Variants in MEIS1 observed in about 807,000 individuals in gnomAD.
The protein encoded by MEIS1 is homeobox protein Meis1.
A neutral mutation model predicts 50.8 loss-of-function variants in MEIS1; 5 were observed. The observed-to-expected ratio is 0.10, with a 90% confidence interval of 0.05 to 0.21. The LOEUF (loss-of-function observed/expected upper bound fraction) is 0.21. Among genes scored for constraint, MEIS1 ranks in the 10% least tolerant of loss-of-function variants. The probability of loss-of-function intolerance (pLI) is 1.00; values close to 1 mark genes in which losing one functional copy is unlikely to be tolerated. For missense variants in MEIS1, 318 were observed against 517.3 expected, an observed-to-expected ratio of 0.61 and a Z score of 3.74; for synonymous variants, 176 against 179.3, an observed-to-expected ratio of 0.98 and a Z score of 0.15.
At chr2:66,508,999 C>T (rs1290870906) in intron 7 of MEIS1, 2 of 470,966 alleles carry the variant, frequency 4.2e-6, no homozygotes, top group Non-Finnish European at 8.8e-6. Flanking sequence ...TGCCTGCTGC[C>T]GTGTGGTCGG....
At position 66,569,333 on chromosome 2, in the gene MEIS1, A is replaced by G. The variant is rs1675427216; in HGVS notation, c.*37+188A>G. ...TTTAAGCTTATAAATACTGTGTATG[A>G]TGTACATTTATCCTGTGTGTTGCTA... On this transcript the variant is annotated intron_variant, in intron 12 of 12. Coordinates refer to ENST00000272369, the MANE Select transcript of MEIS1 (RefSeq NM_002398.3). 1.2e-5 allele frequency: 6 copies of G among 504,924 alleles called. 1 individual carries two copies. Among genetic ancestry groups the G allele is most frequent in the South Asian group, 4.3e-5 (2 of 46,460 alleles). The allele number at this position is 504,924 out of a possible 1,614,324, so 31.3% of individuals were successfully genotyped here.
chr2:66,465,606 A>G (rs1461524994), intron 7 of MEIS1, among the ~76,000 whole-genome samples: 1 of 152,186 alleles, frequency 6.6e-6, no homozygotes, highest in Non-Finnish European at 1.5e-5. Context: ...TTTTTCCTGT[A>G]GCCCAAAATT....
chr2:66,455,610 A>C (rs1672369815), intron 6 of MEIS1, among the ~76,000 whole-genome samples: 1 of 152,162 alleles, frequency 6.6e-6, no homozygotes, highest in African/African-American at 2.4e-5. Context: ...AGGCTGTTGA[A>C]AACTAGGGTT....
At chr2:66,502,369 A>G (rs1673579515) in intron 7 of MEIS1, among the ~76,000 whole-genome samples, 1 of 152,238 alleles carries the variant, frequency 6.6e-6, no homozygotes, top group Non-Finnish European at 1.5e-5. Context: ...GATTAAAAAA[A>G]CAAATCCCAA....
At chr2:66,486,597 A>T (rs374698636) in intron 7 of MEIS1, among the ~76,000 whole-genome samples, 14 of 152,296 alleles carry the variant, frequency 9.2e-5, no homozygotes, top group African/African-American at 3.4e-4. Flanking sequence ...TTTTGGTTCC[A>T]TATGAAATTT....
In MEIS1 at chr2:66,572,524, T is replaced by G. The variant is rs1270589878; in HGVS notation, c.*1316T>G. The G allele has an allele frequency of 6.6e-6, 1 of 152,138 alleles. No individual in the cohort carries two copies. The highest frequency in any genetic ancestry group is 2.4e-5 in the African/African-American group (1 of 41,416). 9.4% of individuals were successfully genotyped at this position (152,138 alleles called of 1,614,324 possible). ...GTATGAGTTGGCATGCATACAAGAT[T>G]TACTAAGTGGGATAAGCTAATTATA... is the stretch of plus-strand genomic sequence containing the variant. On this transcript the variant is annotated 3_prime_UTR_variant, in exon 13 of 13. Transcript: ENST00000272369.
intron 8 of MEIS1, among the ~76,000 whole-genome samples, chr2:66,535,109 C>G (rs1674486318): frequency 6.6e-6 from 1 of 152,092 alleles, no homozygotes; most frequent in South Asian, 2.1e-4. Flanking sequence ...TTATCATTAA[C>G]AAGATAAACT....
chr2:66,563,952 A>G (rs1312866158), intron 9 of MEIS1, among the ~76,000 whole-genome samples: 1 of 152,080 alleles, frequency 6.6e-6, no homozygotes, highest in African/African-American at 2.4e-5. Flanking sequence ...AAAATAAAAT[A>G]TTTTGCTATT....
intron 9 of MEIS1, among the ~76,000 whole-genome samples, chr2:66,556,341 A>T (rs930821084): frequency 6.6e-6 from 1 of 152,184 alleles, no homozygotes; most frequent in African/African-American, 2.4e-5. Context: ...ACAAGATTAG[A>T]TCCTATGGTT....
rs779401505 is a variant in MEIS1 at position 66,555,613 on chromosome 2, G to A, written c.965+7594G>A. Among the ~76,000 whole-genome samples, 3 of 152,082 alleles carry A rather than the reference G, an allele frequency of 2.0e-5. No homozygotes were observed. In the East Asian group the frequency reaches 5.8e-4, roughly 29 times the overall value. ...TCTTAAGTGTGTTTACATATAGTTTGCCTTTCTGGTATTTTCTGCTTGCAC... is the reference window on the plus strand; with the variant it reads ...TCTTAAGTGTGTTTACATATAGTTTACCTTTCTGGTATTTTCTGCTTGCAC... On this transcript the variant is annotated intron_variant, in intron 9 of 12. Coordinates refer to ENST00000272369, the MANE Select transcript of MEIS1 (RefSeq NM_002398.3).
chr2:66,537,331 G>A (rs765805269), intron 8 of MEIS1, among the ~76,000 whole-genome samples: 7 of 152,206 alleles, frequency 4.6e-5, no homozygotes, highest in Non-Finnish European at 1.0e-4. Context: ...CTGTTTGTAT[G>A]CCGTCTTGAT....
chr2:66,540,078 TTG>T (rs1022934395), intron 8 of MEIS1, among the ~76,000 whole-genome samples: 2 of 152,100 alleles, frequency 1.3e-5, no homozygotes, highest in African/African-American at 4.8e-5. Context: ...CTGTGTGCTG[TTG>T]GTGTGTTTTT....
Position 66,560,657 on chromosome 2 carries a change from T to C in MEIS1, c.966-6796T>C, listed in dbSNP as rs1025281850. On this transcript the variant is annotated intron_variant, in intron 9 of 12. Transcript: ENST00000272369. Reference sequence around the variant, plus strand: ...CCTTCCTCAACTGTGGTAGACAATTTCAGTTCTTTCTAAAGTAATTTGGCA... The same window carrying C: ...CCTTCCTCAACTGTGGTAGACAATTCCAGTTCTTTCTAAAGTAATTTGGCA... Among the ~76,000 whole-genome samples, 6 of 152,140 alleles carry C rather than the reference T, an allele frequency of 3.9e-5. No homozygotes were observed. The East Asian group carries it at 1.2e-3, about 29-fold the overall frequency.
intron 6 of MEIS1, among the ~76,000 whole-genome samples, chr2:66,460,485 C>G (rs557462584): frequency 1.3e-5 from 2 of 152,264 alleles, no homozygotes; most frequent in Non-Finnish European, 2.9e-5. Context: ...TCATAGCTTG[C>G]TTCAAATATT....
At chr2:66,539,495 A>G (rs1197836489) in intron 8 of MEIS1, among the ~76,000 whole-genome samples, 4 of 152,192 alleles carry the variant, frequency 2.6e-5, no homozygotes, top group East Asian at 1.9e-4. Context: ...CCCGACTTGT[A>G]TGTTACCACC....
chr2:66,457,780 G>A (rs1672427258), intron 6 of MEIS1, among the ~76,000 whole-genome samples: 1 of 152,310 alleles, frequency 6.6e-6, no homozygotes, highest in Admixed American at 6.5e-5. Flanking sequence ...ACATACATAC[G>A]GACATGGGCA....
At chr2:66,436,081 G>A (rs1671789966) in intron 1 of MEIS1, among the ~76,000 whole-genome samples, 1 of 151,866 alleles carries the variant, frequency 6.6e-6, no homozygotes, top group South Asian at 2.1e-4. Flanking sequence ...TTTATCTATA[G>A]ATTCCTAACC....
intron 7 of MEIS1, among the ~76,000 whole-genome samples, chr2:66,477,194 G>C (rs1372269292): frequency 6.6e-6 from 1 of 152,214 alleles, no homozygotes; most frequent in African/African-American, 2.4e-5. Context: ...GCTGGAGTCA[G>C]CATGATAGTT....
At chr2:66,454,230 T>C (rs747509138) in intron 6 of MEIS1, among the ~76,000 whole-genome samples, 4 of 152,040 alleles carry the variant, frequency 2.6e-5, no homozygotes, top group Admixed American at 6.6e-5. Context: ...TGCCTAACCT[T>C]CAAAAACAGG....
Sources: allele counts gnomAD v4.1 joint callset (sites outside exome capture counted in the v4.1 genomes callset), GRCh38; gene constraint gnomAD v4.1.1; transcripts MANE v1.5; gene names NCBI Gene and HGNC (gene_info 2026-07-23, HGNC 2026-07-21).